The following PRKCH variants were observed in gnomAD, a reference collection of about 807,000 sequenced individuals.
PRKCH encodes protein kinase C eta.
A neutral mutation model predicts 82.5 loss-of-function variants in PRKCH; 28 were observed. The ratio of observed to expected loss-of-function variants is 0.34; its 90% CI spans 0.25 to 0.47. PRKCH has a LOEUF of 0.47. Among genes scored for constraint, PRKCH ranks in the 20% least tolerant of loss-of-function variants. PRKCH has a pLI of 1.00. For missense variants in PRKCH, 705 were observed against 881.8 expected, an observed-to-expected ratio of 0.80 and a Z score of 2.54; for synonymous variants, 322 against 327.4, an observed-to-expected ratio of 0.98 and a Z score of 0.18.
intron 10 of PRKCH, among the ~76,000 whole-genome samples, chr14:61,499,001 G>A (rs1594765032): frequency 6.6e-6 from 1 of 152,248 alleles, no homozygotes; most frequent in Admixed American, 6.5e-5. Context: ...TGCTACAGTG[G>A]AACACACAGT....
chr14:61,292,311 CA>C (rs758667290), intron 1 of PRKCH, among the ~76,000 whole-genome samples: 1,289 of 91,798 alleles, frequency 0.014, 35 homozygotes, highest in East Asian at 0.13. Flanking sequence ...CCTGTCTCTA[CA>C]AAAAAAAAAA....
intron 10 of PRKCH, among the ~76,000 whole-genome samples, chr14:61,515,187 G>A (rs1164773951): frequency 6.6e-6 from 1 of 152,188 alleles, no homozygotes; most frequent in Non-Finnish European, 1.5e-5. Flanking sequence ...TGAAGAACAA[G>A]GACTGGCTGT....
intron 12 of PRKCH, among the ~76,000 whole-genome samples, chr14:61,533,676 A>T (rs1274620029): frequency 6.6e-6 from 1 of 152,160 alleles, no homozygotes; most frequent in Non-Finnish European, 1.5e-5. Context: ...TAATTCTTCC[A>T]TGCCTCAGCA....
intron 2 of PRKCH, among the ~76,000 whole-genome samples, chr14:61,411,688 T>C (rs746688037): frequency 2.0e-5 from 3 of 152,150 alleles, no homozygotes; most frequent in Non-Finnish European, 4.4e-5. Flanking sequence ...GAGTTGAGGA[T>C]TGGATCTGAG....
Position 61,209,392 on chromosome 14 carries a change from A to G in PRKCH, c.-19+21724A>G, listed in dbSNP as rs118137596. On this transcript the variant is annotated intron_variant, in intron 1 of 3. Transcript: ENST00000555185. ...CAGCAACTCAACTATACTGGCACCA[A>G]GATCTTGGATTCCAGCTTCCAGAAC... is the stretch of plus-strand genomic sequence containing the variant. Among the ~76,000 whole-genome samples the G allele has an allele frequency of 4.5e-3, 688 of 151,828 alleles. 15 individuals carry two copies. In the East Asian group the frequency reaches 0.06, roughly 13 times the overall value.
upstream of PRKCH, among the ~76,000 whole-genome samples, chr14:61,320,315 C>T (rs1235879168): frequency 6.6e-6 from 1 of 152,202 alleles, no homozygotes; most frequent in African/African-American, 2.4e-5. Flanking sequence ...GTGGCCTAGG[C>T]TTGGCTGGGT....
At chr14:61,441,010 T>C (rs981470850) in intron 2 of PRKCH, among the ~76,000 whole-genome samples, 2 of 151,606 alleles carry the variant, frequency 1.3e-5, no homozygotes, top group African/African-American at 4.8e-5. Context: ...CTCAACCTCC[T>C]GGGCTCAAGT....
intron 1 of PRKCH, among the ~76,000 whole-genome samples, chr14:61,293,028 C>A (rs2045377417): frequency 6.6e-6 from 1 of 152,010 alleles, no homozygotes; most frequent in African/African-American, 2.4e-5. Context: ...TGTATATGCA[C>A]CAGAAGCCCT....
At chr14:61,248,784 GTATGTATGTATGTA>G (rs140827968) in intron 1 of PRKCH, among the ~76,000 whole-genome samples, 13,357 of 90,798 alleles carry the variant, frequency 0.15, 804 homozygotes, top group African/African-American at 0.28. Context: ...ATGTATGTAT[GTATGTATGTATGTA>G]TGTGTGTGTG....
At chr14:61,464,296 A>T (rs570112081) in intron 9 of PRKCH, among the ~76,000 whole-genome samples, 1 of 151,988 alleles carries the variant, frequency 6.6e-6, no homozygotes, top group East Asian at 1.9e-4. Flanking sequence ...TGTGGTTTTA[A>T]TCTGCATATC....
At chr14:61,238,876 C>T (rs1384436125) in intron 1 of PRKCH, among the ~76,000 whole-genome samples, 6 of 152,298 alleles carry the variant, frequency 3.9e-5, no homozygotes, top group African/African-American at 1.2e-4. Flanking sequence ...CAAAACAGTA[C>T]GGTTATATGG....
At chr14:61,395,842 G>A (rs1462291503) in intron 2 of PRKCH, among the ~76,000 whole-genome samples, 2 of 152,124 alleles carry the variant, frequency 1.3e-5, no homozygotes, top group African/African-American at 4.8e-5. Flanking sequence ...CACTTTGGGA[G>A]GCTGAGGCAG....
intron 1 of PRKCH, among the ~76,000 whole-genome samples, chr14:61,348,806 C>T (rs911295106): frequency 1.3e-5 from 2 of 152,252 alleles, no homozygotes; most frequent in South Asian, 4.1e-4. Context: ...TGCCTTGCGG[C>T]ACTTGCACAT....
At chr14:61,194,521 A>G (rs2044428479) in intron 1 of PRKCH, among the ~76,000 whole-genome samples, 1 of 152,188 alleles carries the variant, frequency 6.6e-6, no homozygotes, top group Non-Finnish European at 1.5e-5. Flanking sequence ...CCCTCACCAG[A>G]CACCAAATTT....
intron 4 of PRKCH, among the ~76,000 whole-genome samples, chr14:61,446,656 T>C (rs1029465064): frequency 2.0e-5 from 3 of 152,234 alleles, no homozygotes; most frequent in Non-Finnish European, 4.4e-5. Context: ...AAAACAAATA[T>C]ATAATCAATA....
At chr14:61,340,650 G>A (rs867555991) in intron 1 of PRKCH, among the ~76,000 whole-genome samples, 12 of 152,106 alleles carry the variant, frequency 7.9e-5, no homozygotes, top group Non-Finnish European at 1.0e-4. Context: ...TTTCTCACCC[G>A]AGGAAACTGT....
At chr14:61,427,631 G>T (rs921005397) in intron 2 of PRKCH, among the ~76,000 whole-genome samples, 1 of 152,076 alleles carries the variant, frequency 6.6e-6, no homozygotes, top group African/African-American at 2.4e-5. Flanking sequence ...CTGTCTCCCA[G>T]GCTGGAGTGC....
chr14:61,225,212 T>G (rs1285613252), intron 1 of PRKCH, among the ~76,000 whole-genome samples: 1 of 152,240 alleles, frequency 6.6e-6, no homozygotes, highest in African/African-American at 2.4e-5. Context: ...TTTGGATACA[T>G]GCACACAGGC....
intron 12 of PRKCH, among the ~76,000 whole-genome samples, chr14:61,541,588 G>T (rs1391755180): frequency 6.6e-6 from 1 of 152,206 alleles, no homozygotes; most frequent in Non-Finnish European, 1.5e-5. Context: ...AGGTCATTTT[G>T]TTTGCCCAAC....
Sources: allele counts gnomAD v4.1 joint callset (sites outside exome capture counted in the v4.1 genomes callset), GRCh38; gene constraint gnomAD v4.1.1; transcripts MANE v1.5; gene names NCBI Gene and HGNC (gene_info 2026-07-23, HGNC 2026-07-21).